Variants in SETDB1 observed in about 807,000 individuals in gnomAD.
SETDB1 encodes SET domain bifurcated histone lysine methyltransferase 1.
In SETDB1, 31 loss-of-function variants were observed where a neutral mutation model predicts 137.4. The ratio of observed to expected loss-of-function variants is 0.23; its 90% CI spans 0.17 to 0.30. SETDB1 has a LOEUF of 0.30. SETDB1 is among the 10% of genes least tolerant of loss of function. The probability of loss-of-function intolerance (pLI) is 1.00; values close to 1 mark genes in which losing one functional copy is unlikely to be tolerated. For synonymous variants in SETDB1, 548 were observed against 579.9 expected (o/e 0.95, Z 0.79); for missense variants, 1,113 against 1,631.5 (o/e 0.68, Z 5.47).
chr1:150,963,862 G>T, intron 20 of SETDB1, 121 bp downstream of exon 20: 6 of 1,299,400 alleles, frequency 4.6e-6, no homozygotes, highest in Non-Finnish European at 6.6e-6. Context: ...TCTTAAAGAG[G>T]TAGCTTTCTT....
At chr1:150,936,070 T>A (rs1669937586) in intron 3 of SETDB1, among the ~76,000 whole-genome samples, 1 of 152,204 alleles carries the variant, frequency 6.6e-6, no homozygotes, top group East Asian at 1.9e-4. Flanking sequence ...CACTGCAAGC[T>A]CCACTTCCCG....
intron 10 of SETDB1, among the ~76,000 whole-genome samples, chr1:150,948,614 C>T (rs1670400603): frequency 6.6e-6 from 1 of 152,048 alleles, no homozygotes; most frequent in East Asian, 1.9e-4. Flanking sequence ...CTTGCTTTCA[C>T]TTTAATAAAA....
intron 3 of SETDB1, among the ~76,000 whole-genome samples, chr1:150,934,263 G>C (rs2102656176): frequency 6.6e-6 from 1 of 152,196 alleles, no homozygotes; most frequent in Admixed American, 6.5e-5. Flanking sequence ...ACGAGGTCAG[G>C]AGATCGAAAC....
chr1:150,936,931 C>T (rs889927946), intron 3 of SETDB1, among the ~76,000 whole-genome samples: 1 of 152,172 alleles, frequency 6.6e-6, no homozygotes, highest in Admixed American at 6.6e-5. Context: ...TCGAGACCAG[C>T]CTGGCCAGTA....
chr1:150,935,035 G>A (rs1234861707), intron 3 of SETDB1, among the ~76,000 whole-genome samples: 1 of 152,094 alleles, frequency 6.6e-6, no homozygotes, highest in African/African-American at 2.4e-5. Context: ...AGTTCAGGCT[G>A]GTCTCAAACT....
chr1:150,950,107 G>A (rs892702981), intron 12 of SETDB1, among the ~76,000 whole-genome samples: 1 of 152,120 alleles, frequency 6.6e-6, no homozygotes, highest in Non-Finnish European at 1.5e-5. Flanking sequence ...GGTGGCGCAT[G>A]CCTGTAATCC....
chr1:150,928,003 A>G (rs1314833207), intron 2 of SETDB1, 29 bp downstream of exon 2: 5 of 1,602,860 alleles, frequency 3.1e-6, no homozygotes, highest in Middle Eastern at 1.7e-4. Context: ...ATAGAAGGAA[A>G]TCTCTCCATT....
intron 3 of SETDB1, 24 bp from the exon 4 acceptor site, chr1:150,939,916 C>T: frequency 1.3e-6 from 2 of 1,598,048 alleles, no homozygotes; most frequent in South Asian, 1.1e-5. Context: ...CTCTGACACT[C>T]ATTAGAGTTC....
chr1:150,940,093 C>T (rs1422315185), intron 4 of SETDB1, 119 bp downstream of exon 4: 1 of 652,268 alleles, frequency 1.5e-6, no homozygotes, highest in African/African-American at 1.8e-5. Context: ...TGTGATCAGC[C>T]CTTTGCGTTG....
chr1:150,930,147 C>T, intron 3 of SETDB1, 29 bp downstream of exon 3: 1 of 1,584,542 alleles, frequency 6.3e-7, no homozygotes, highest in South Asian at 1.1e-5. Context: ...ATAGGAGAGT[C>T]TCAGGACTGA....
At chr1:150,944,418 T>C (rs911362205) in intron 8 of SETDB1, among the ~76,000 whole-genome samples, 1 of 152,248 alleles carries the variant, frequency 6.6e-6, no homozygotes, top group African/African-American at 2.4e-5. Context: ...CTATATTTGT[T>C]ACCCTGGCTT....
chr1:150,961,287 C>G, intron 16 of SETDB1, 96 bp downstream of exon 16: 3 of 1,267,414 alleles, frequency 2.4e-6, no homozygotes, highest in Non-Finnish European at 2.2e-6. Flanking sequence ...GATTATTCTA[C>G]TTGATGGATA....
chr1:150,964,178 A>G (rs781332141), intron 21 of SETDB1, 69 bp from the exon 22 acceptor site: 41 of 1,532,066 alleles, frequency 2.7e-5, no homozygotes, highest in Non-Finnish European at 3.5e-5. Context: ...CCACCTACAT[A>G]TTCAGTAACC....
chr1:150,943,549 G>A (rs981094186), intron 7 of SETDB1, among the ~76,000 whole-genome samples: 2 of 152,132 alleles, frequency 1.3e-5, no homozygotes, highest in Admixed American at 6.6e-5. Context: ...GGTGGCGCAT[G>A]CCTGTAATCC....
intron 5 of SETDB1, among the ~76,000 whole-genome samples, 183 bp from the exon 6 acceptor site, chr1:150,942,380 G>A (rs188793118): frequency 1.0e-3 from 153 of 151,212 alleles, no homozygotes; most frequent in African/African-American, 3.2e-3. Context: ...CCAGGGAGGC[G>A]GAGGTTCCAG....
intron 14 of SETDB1, among the ~76,000 whole-genome samples, chr1:150,954,589 A>G (rs1311063603): frequency 1.3e-5 from 2 of 151,620 alleles, no homozygotes; most frequent in African/African-American, 2.4e-5. Flanking sequence ...ACACTGAGGG[A>G]AAAAAAAATC....
At chr1:150,943,471 G>A (rs1008607607) in intron 7 of SETDB1, among the ~76,000 whole-genome samples, 4 of 152,222 alleles carry the variant, frequency 2.6e-5, no homozygotes, top group African/African-American at 9.6e-5. Flanking sequence ...GAGGTCAGGA[G>A]TTCGAGACCA....
chr1:150,942,007 G>A (rs1670176671), intron 5 of SETDB1, among the ~76,000 whole-genome samples: 1 of 151,926 alleles, frequency 6.6e-6, no homozygotes, highest in Non-Finnish European at 1.5e-5. Flanking sequence ...AGGCGTGGTG[G>A]CGCACGCCTG....
rs141355268 is a variant in SETDB1 at position 150,964,301 on chromosome 1, T to C, written c.3816T>C (p.Ser1272=). Reference sequence around the variant, plus strand: ...GGGACTACAACTACGAGGTGGGCAGTGTGGAAGGCAAGGAGCTACTCTGTT... The same window carrying C: ...GGGACTACAACTACGAGGTGGGCAGCGTGGAAGGCAAGGAGCTACTCTGTT... The part of the protein sequence containing the change: ...LTWDYNYEVG[S]VEGKELLCCC... Residue 1272 remains serine (S), a synonymous_variant, in exon 22 of 22, where the codon AGT becomes AGC. Transcript: ENST00000692827. 3.7e-6 allele frequency: 6 copies of C among 1,613,964 alleles called. No homozygotes were observed. The highest frequency in any genetic ancestry group is 3.3e-5 in the Admixed American group (2 of 59,988).
Sources: gnomAD v4.1 joint callset for allele counts (sites outside exome capture counted in the v4.1 genomes callset) on GRCh38, gnomAD v4.1.1 for gene constraint, MANE v1.5 for transcripts, NCBI Gene and HGNC (gene_info 2026-07-23, HGNC 2026-07-21) for gene names.